ANKRD6: variants seen among roughly 807,000 people sequenced by gnomAD.
ANKRD6 encodes the protein ankyrin repeat domain-containing protein 6.
A neutral mutation model predicts 82.3 loss-of-function variants in ANKRD6; 56 were observed. The observed-to-expected ratio is 0.68, with a 90% CI of 0.55 to 0.85. The LOEUF (loss-of-function observed/expected upper bound fraction) is 0.85. ANKRD6 is among the 40% of genes least tolerant of loss of function. ANKRD6 has a pLI of 0.00. For synonymous variants in ANKRD6, 347 were observed against 352.1 expected, an observed-to-expected ratio of 0.99 and a Z score of 0.16; for missense variants, 852 against 907.6, an observed-to-expected ratio of 0.94 and a Z score of 0.79.
At chr6:89,486,244 T>G (rs1777352871) in intron 1 of ANKRD6, among the ~76,000 whole-genome samples, 1 of 152,164 alleles carries the variant, frequency 6.6e-6, no homozygotes, top group Non-Finnish European at 1.5e-5. Context: ...AGAAACCTGA[T>G]GTGTGGCACT....
intron 1 of ANKRD6, among the ~76,000 whole-genome samples, chr6:89,444,275 A>G (rs1285437707): frequency 2.0e-5 from 3 of 152,222 alleles, no homozygotes; most frequent in South Asian, 2.1e-4. Context: ...TTGCTGTTCA[A>G]AAACTTAGGA....
chr6:89,631,502 G>GTAA lies in ANKRD6; in HGVS notation c.*500_*502dup, dbSNP rs1323558087. The GTAA allele has an allele frequency of 6.6e-6, 1 of 152,190 alleles. No individual in the cohort carries two copies. Among genetic ancestry groups the GTAA allele is most frequent in the Non-Finnish European group, 1.5e-5 (1 of 68,076 alleles). The allele number at this position is 152,190 out of a possible 1,614,324, so 9.4% of individuals were successfully genotyped here. On this transcript the variant is annotated 3_prime_UTR_variant, in exon 16 of 16. Coordinates refer to ENST00000339746, the MANE Select transcript of ANKRD6 (RefSeq NM_001242809.2). The stretch of plus-strand genomic sequence containing the variant: ...TAAATAAACCCTCTTTCTCAAATTC[G>GTAA]TAATTCTCCAACTGTTGACATTTTA...
chr6:89,463,255 T>C (rs574352759), intron 1 of ANKRD6, among the ~76,000 whole-genome samples: 1 of 152,274 alleles, frequency 6.6e-6, no homozygotes, highest in Non-Finnish European at 1.5e-5. Context: ...TTTCTGAGCA[T>C]TTTGTTATTA....
intron 1 of ANKRD6, among the ~76,000 whole-genome samples, chr6:89,531,080 T>C (rs1046174995): frequency 8.5e-5 from 13 of 152,178 alleles, no homozygotes; most frequent in South Asian, 2.1e-4. Context: ...TGATAAATCA[T>C]TGTGGCTGCA....
chr6:89,530,312 G>C (rs1232526430), intron 1 of ANKRD6, among the ~76,000 whole-genome samples: 1 of 152,004 alleles, frequency 6.6e-6, no homozygotes, highest in African/African-American at 2.4e-5. Context: ...ATATGGACAT[G>C]AAGTGAGCAC....
chr6:89,456,106 C>T (rs1297734883), intron 1 of ANKRD6, among the ~76,000 whole-genome samples: 4 of 152,154 alleles, frequency 2.6e-5, no homozygotes, highest in African/African-American at 7.2e-5. Context: ...AACTCCTGAC[C>T]TCAAGTGATC....
intron 1 of ANKRD6, among the ~76,000 whole-genome samples, chr6:89,530,883 C>G (rs1045726419): frequency 6.6e-6 from 1 of 152,184 alleles, no homozygotes; most frequent in African/African-American, 2.4e-5. Context: ...AATGGCCGAC[C>G]ACTTGAAAGT....
At chr6:89,580,108 G>A (rs1350067070) in intron 2 of ANKRD6, among the ~76,000 whole-genome samples, 1 of 152,054 alleles carries the variant, frequency 6.6e-6, no homozygotes, top group Non-Finnish European at 1.5e-5. Flanking sequence ...TCCATATTTT[G>A]TTTGTGGGGT....
intron 1 of ANKRD6, among the ~76,000 whole-genome samples, chr6:89,518,504 C>T (rs1781501776): frequency 6.6e-6 from 1 of 151,972 alleles, no homozygotes; most frequent in African/African-American, 2.4e-5. Context: ...CAGAGCTTGA[C>T]CTAAGCTGGG....
chr6:89,542,262 GA>G (rs1364810309), intron 1 of ANKRD6, among the ~76,000 whole-genome samples: 2 of 152,088 alleles, frequency 1.3e-5, no homozygotes, highest in African/African-American at 4.8e-5. Flanking sequence ...GGGTGAGAGG[GA>G]CAGGACTACT....
intron 1 of ANKRD6, among the ~76,000 whole-genome samples, chr6:89,488,436 T>A (rs1777620340): frequency 6.6e-6 from 1 of 152,090 alleles, no homozygotes; most frequent in Non-Finnish European, 1.5e-5. Flanking sequence ...AGGGACAGAG[T>A]GAGACCCTGT....
intron 1 of ANKRD6, among the ~76,000 whole-genome samples, chr6:89,524,388 C>A (rs140682667): frequency 6.6e-6 from 1 of 152,068 alleles, no homozygotes; most frequent in African/African-American, 2.4e-5. Flanking sequence ...TGAGAACATA[C>A]GATATTTGCT....
intron 3 of ANKRD6, 56 bp from the exon 4 acceptor site, chr6:89,602,973 C>A: frequency 7.0e-7 from 1 of 1,432,906 alleles, no homozygotes; most frequent in South Asian, 1.2e-5. Context: ...GTGAGTAGTG[C>A]AAGCAGGGGG....
intron 5 of ANKRD6, among the ~76,000 whole-genome samples, chr6:89,611,008 A>G (rs2128214325): frequency 6.6e-6 from 1 of 152,028 alleles, no homozygotes; most frequent in South Asian, 2.1e-4. Context: ...GGTGATTCTA[A>G]TGTGCACCCA....
At chr6:89,589,095 C>A (rs1392694476) in intron 2 of ANKRD6, among the ~76,000 whole-genome samples, 2 of 151,900 alleles carry the variant, frequency 1.3e-5, no homozygotes, top group Non-Finnish European at 2.9e-5. Flanking sequence ...GGGTCTTGTC[C>A]AGGTCTGCTC....
At chr6:89,516,844 C>G (rs940835344) in intron 1 of ANKRD6, among the ~76,000 whole-genome samples, 1 of 152,022 alleles carries the variant, frequency 6.6e-6, no homozygotes, top group East Asian at 1.9e-4. Context: ...TCTGGAGGAC[C>G]CCAATAACAG....
At chr6:89,449,636 C>T (rs976535659) in intron 1 of ANKRD6, among the ~76,000 whole-genome samples, 4 of 152,314 alleles carry the variant, frequency 2.6e-5, no homozygotes, top group Admixed American at 6.5e-5. Context: ...TGCCCAGTAA[C>T]GGCATTTTCA....
At chr6:89,498,489 G>A (rs377124622) in intron 1 of ANKRD6, among the ~76,000 whole-genome samples, 1 of 151,946 alleles carries the variant, frequency 6.6e-6, no homozygotes. Flanking sequence ...TCAAACATCA[G>A]TCTGTGCAGA....
chr6:89,484,344 A>C (rs1050965204), intron 1 of ANKRD6, among the ~76,000 whole-genome samples: 4 of 151,926 alleles, frequency 2.6e-5, no homozygotes, highest in African/African-American at 9.7e-5. Flanking sequence ...CTGTGGGCTT[A>C]TTTTTTTTAT....
Sources: allele counts gnomAD v4.1 joint callset (sites outside exome capture counted in the v4.1 genomes callset), GRCh38; gene constraint gnomAD v4.1.1; transcripts MANE v1.5; gene names NCBI Gene and HGNC (gene_info 2026-07-23, HGNC 2026-07-21).